MAP2K5: variants seen among roughly 807,000 people sequenced by gnomAD.
MAP2K5 encodes dual specificity mitogen-activated protein kinase kinase 5.
In MAP2K5, 49 loss-of-function variants were observed where a neutral mutation model predicts 83.1. That is an observed-to-expected ratio of 0.59 (90% CI 0.47 to 0.75). MAP2K5 has a LOEUF of 0.75. Among genes scored for constraint, MAP2K5 ranks in the 30% least tolerant of loss-of-function variants. The pLI is 0.00. For synonymous variants in MAP2K5, 202 were observed against 191.8 expected, an observed-to-expected ratio of 1.05 and a Z score of -0.44; for missense variants, 457 against 557.5, an observed-to-expected ratio of 0.82 and a Z score of 1.82.
Position 67,717,870 on chromosome 15 carries a change from A to G in MAP2K5, c.1045-10046A>G, listed in dbSNP as rs917379747. ...AAAAGCTACAGATCTGTTAAGGCCC[A>G]ACCTCAGAAATTACACAGGATTGTT... On this transcript the variant is annotated intron_variant, in intron 16 of 21. Transcript: ENST00000178640. This position sits in a 1 kb window ranked among gnomAD's most constrained non-coding sequence, Gnocchi z 4.1. The G allele has an allele frequency of 2.4e-4, 36 of 152,218 alleles. No individual in the cohort carries two copies. The highest frequency in any genetic ancestry group is 8.0e-4 in the African/African-American group (33 of 41,450). 9.4% of individuals were successfully genotyped at this position (152,218 alleles called of 1,614,324 possible).
At chr15:67,725,891 GA>G (rs1173346102) in intron 16 of MAP2K5, among the ~76,000 whole-genome samples, 1 of 152,312 alleles carries the variant, frequency 6.6e-6, no homozygotes, top group Non-Finnish European at 1.5e-5. Context: ...AACCTGTATT[GA>G]AAGGAGGTGG....
In MAP2K5 at chr15:67,565,204, A is replaced by G. The variant is rs7182417; in HGVS notation, c.252+1854A>G. Reference sequence around the variant, plus strand: ...GTCTCTCCCCCACCTTCCTCTTTGCAGGATTTTTTTTATGTCATCACTGTT... The same window carrying G: ...GTCTCTCCCCCACCTTCCTCTTTGCGGGATTTTTTTTATGTCATCACTGTT... On this transcript the variant is annotated intron_variant, in intron 3 of 21. Transcript: ENST00000178640. This position sits in a 1 kb window ranked among gnomAD's most constrained non-coding sequence, Gnocchi z 4.1. 0.17 allele frequency among the ~76,000 whole-genome samples: 25,074 copies of G among 151,886 alleles called. 2,872 individuals are homozygous for G. The highest frequency in any genetic ancestry group is 0.32 in the African/African-American group (13,196 of 41,358).
In MAP2K5 at chr15:67,589,204, T is replaced by A. The variant is rs73433641; in HGVS notation, c.431+2291T>A. On this transcript the variant is annotated intron_variant, in intron 6 of 21. Coordinates refer to ENST00000178640, the MANE Select transcript of MAP2K5 (RefSeq NM_145160.3). Reference sequence around the variant, plus strand: ...AGGTCACCGTGAACATGCAGATGAATGAAATATTGAGTAAAGTGAGTCACA... The same window carrying A: ...AGGTCACCGTGAACATGCAGATGAAAGAAATATTGAGTAAAGTGAGTCACA... Among the ~76,000 whole-genome samples the A allele has an allele frequency of 2.0e-5, 3 of 152,130 alleles. No homozygotes were observed. In the East Asian group the frequency reaches 5.8e-4, roughly 29 times the overall value.
intron 13 of MAP2K5, among the ~76,000 whole-genome samples, chr15:67,680,383 A>G (rs1382449383): frequency 6.6e-6 from 1 of 152,328 alleles, no homozygotes; most frequent in East Asian, 1.9e-4. Flanking sequence ...ATCATAGTTT[A>G]TCAGGCCATC....
At chr15:67,612,377 T>C (rs1470820229) in intron 8 of MAP2K5, among the ~76,000 whole-genome samples, 1 of 152,176 alleles carries the variant, frequency 6.6e-6, no homozygotes, top group East Asian at 1.9e-4. Context: ...ACACAGTTTA[T>C]ATATTTTTGT....
chr15:67,639,551 C>T (rs911619584), intron 9 of MAP2K5, among the ~76,000 whole-genome samples: 2 of 152,186 alleles, frequency 1.3e-5, no homozygotes, highest in Non-Finnish European at 2.9e-5. Context: ...CGGTGACCCC[C>T]CTGCCGGCGC....
intron 17 of MAP2K5, among the ~76,000 whole-genome samples, chr15:67,735,795 A>G (rs941612181): frequency 6.6e-6 from 1 of 152,200 alleles, no homozygotes; most frequent in South Asian, 2.1e-4. Flanking sequence ...GGTTAAAGTA[A>G]TGAACTTGGA....
rs1038423914 is a variant in MAP2K5, at chr15:67,561,352, C to A, written c.185-1931C>A. Among the ~76,000 whole-genome samples the A allele has an allele frequency of 6.6e-5, 10 of 152,188 alleles. No homozygotes were observed. Among genetic ancestry groups the A allele is most frequent in the African/African-American group, 2.2e-4 (9 of 41,448 alleles). The stretch of plus-strand genomic sequence containing the variant: ...AACTTATATATAGACAGACTCCTTT[C>A]TTCTCTCTCTACAGCTGGAATGGCA... On this transcript the variant is annotated intron_variant, in intron 2 of 21. Transcript: ENST00000178640. The surrounding 1 kb of genome is among the most constrained non-coding windows in gnomAD (Gnocchi z 4.2).
At chr15:67,586,787 T>TG in intron 5 of MAP2K5, 59 bp from the exon 6 acceptor site, 1 of 1,499,880 alleles carries the variant, frequency 6.7e-7, no homozygotes, top group Non-Finnish European at 9.3e-7. Context: ...AAATTATAGG[T>TG]TAATTAGAAC....
At chr15:67,796,770 A>C (rs1303626518) in intron 21 of MAP2K5, among the ~76,000 whole-genome samples, 1 of 152,234 alleles carries the variant, frequency 6.6e-6, no homozygotes, top group African/African-American at 2.4e-5. Flanking sequence ...ATAAAAAACA[A>C]ATAGTAGCTT....
chr15:67,652,675 A>G lies in MAP2K5; in HGVS notation c.737-5878A>G, dbSNP rs1194612240. ...AAACTGTATCAGCCATTTTAAGTAT[A>G]TAATTCAGCAGCATGAAGTACATTA... On this transcript the variant is annotated intron_variant, in intron 11 of 21. Transcript: ENST00000178640. This position sits in a 1 kb window ranked among gnomAD's most constrained non-coding sequence, Gnocchi z 4.2. 6.6e-6 allele frequency among the ~76,000 whole-genome samples: 1 copy of G among 152,238 alleles called. No homozygotes were observed. Among genetic ancestry groups the G allele is most frequent in the East Asian group, 1.9e-4 (1 of 5,200 alleles).
Position 67,708,381 on chromosome 15 carries a change from C to T in MAP2K5, c.1044+4973C>T, listed in dbSNP as rs2088610361. ...GCATGAGAGTTTTCTGTCTCCTTTA[C>T]ATCTCCCTAGCACCCTTTCCTCCAG... On this transcript the variant is annotated intron_variant, in intron 16 of 21. Coordinates refer to ENST00000178640, the MANE Select transcript of MAP2K5 (RefSeq NM_145160.3). This position sits in a 1 kb window ranked among gnomAD's most constrained non-coding sequence, Gnocchi z 4.9. 6.6e-6 allele frequency among the ~76,000 whole-genome samples: 1 copy of T among 152,004 alleles called. No individual in the cohort carries two copies. Among genetic ancestry groups the T allele is most frequent in the South Asian group, 2.1e-4 (1 of 4,820 alleles).
intron 13 of MAP2K5, among the ~76,000 whole-genome samples, chr15:67,669,987 T>C (rs2087486200): frequency 6.6e-6 from 1 of 152,162 alleles, no homozygotes; most frequent in African/African-American, 2.4e-5. Context: ...ACAAAAACTT[T>C]AGGCAACTCT....
intron 8 of MAP2K5, among the ~76,000 whole-genome samples, chr15:67,617,964 G>GGA (rs984161983): frequency 6.6e-6 from 1 of 152,172 alleles, no homozygotes; most frequent in African/African-American, 2.4e-5. Flanking sequence ...AAAGTGTTGG[G>GGA]ATTACAGGTG....
intron 4 of MAP2K5, among the ~76,000 whole-genome samples, chr15:67,582,528 T>C (rs2085201264): frequency 6.6e-6 from 1 of 152,040 alleles, no homozygotes; most frequent in East Asian, 1.9e-4. Flanking sequence ...CCTGGAGAAA[T>C]ATACTTCCAG....
Position 67,543,053 on chromosome 15 carries a change from C to T in MAP2K5, c.-283C>T. On this transcript the variant is annotated 5_prime_UTR_variant, in exon 1 of 22. Coordinates refer to ENST00000178640, the MANE Select transcript of MAP2K5 (RefSeq NM_145160.3). The surrounding 1 kb of genome is among the most constrained non-coding windows in gnomAD (Gnocchi z 4.3). ...GACCTTCACCATAGCGTTCGCTCAACTCCAGAACCTTCCGACCTCCGCTAG... is the reference window on the plus strand; with the variant it reads ...GACCTTCACCATAGCGTTCGCTCAATTCCAGAACCTTCCGACCTCCGCTAG... The T allele has an allele frequency of 2.0e-6, 1 of 488,512 alleles. No individual in the cohort carries two copies. 30.3% of individuals were successfully genotyped at this position (488,512 alleles called of 1,614,324 possible).
chr15:67,574,719 T>C (rs902302484), intron 3 of MAP2K5, among the ~76,000 whole-genome samples: 8 of 151,498 alleles, frequency 5.3e-5, no homozygotes, highest in Admixed American at 5.3e-4. Context: ...ATACAAAAAT[T>C]AGCTGGGCGT....
intron 8 of MAP2K5, 133 bp downstream of exon 8, chr15:67,600,882 C>A: frequency 1.6e-6 from 1 of 619,220 alleles, no homozygotes; most frequent in Non-Finnish European, 2.8e-6. Context: ...CAAAATTCTG[C>A]AAGACATCTA....
rs1256963596 is a variant in MAP2K5 at position 67,750,689 on chromosome 15, C to T, written c.1134+2088C>T. Reference sequence around the variant, plus strand: ...AGTTTGAAAACCACTTCTCAAACTTCCCTAACTGCTTGCCAGGGCTAAGTC... The same window carrying T: ...AGTTTGAAAACCACTTCTCAAACTTTCCTAACTGCTTGCCAGGGCTAAGTC... On this transcript the variant is annotated intron_variant, in intron 19 of 21. Transcript: ENST00000178640. This position sits in a 1 kb window ranked among gnomAD's most constrained non-coding sequence, Gnocchi z 4.2. Among the ~76,000 whole-genome samples the T allele has an allele frequency of 6.6e-6, 1 of 152,202 alleles. No individual in the cohort carries two copies. Among genetic ancestry groups the T allele is most frequent in the Non-Finnish European group, 1.5e-5 (1 of 68,032 alleles).
Sources: gnomAD v4.1 joint callset for allele counts (sites outside exome capture counted in the v4.1 genomes callset) on GRCh38, gnomAD v4.1.1 for gene constraint, Gnocchi (gnomAD v3.1) non-coding constraint, MANE v1.5 for transcripts, NCBI Gene and HGNC (gene_info 2026-07-23, HGNC 2026-07-21) for gene names.